Variants in NALCN observed in about 807,000 individuals in gnomAD.
The protein encoded by NALCN is sodium leak channel NALCN.
A neutral mutation model predicts 225.3 loss-of-function variants in NALCN; 111 were observed. The observed-to-expected ratio is 0.49, with a 90% CI of 0.42 to 0.58. The LOEUF (loss-of-function observed/expected upper bound fraction) is 0.58. Among genes scored for constraint, NALCN ranks in the 20% least tolerant of loss-of-function variants. The pLI is 0.00. For missense variants in NALCN, 1,378 were observed against 2,202.4 expected (o/e 0.63, Z 7.49); for synonymous variants, 764 against 769.0 (o/e 0.99, Z 0.11).
chr13:101,209,900 A>C (rs191666283), intron 13 of NALCN, among the ~76,000 whole-genome samples: 303 of 152,348 alleles, frequency 2.0e-3, no homozygotes, highest in African/African-American at 7.0e-3. Flanking sequence ...CAGAGTTCTC[A>C]CAGGAATTTA....
intron 6 of NALCN, among the ~76,000 whole-genome samples, chr13:101,360,123 TTC>T (rs1333207450): frequency 1.2e-4 from 18 of 149,394 alleles, no homozygotes; most frequent in African/African-American, 4.3e-4. Context: ...TTTCTTTCCT[TTC>T]TTTTTTCTTT....
intron 14 of NALCN, among the ~76,000 whole-genome samples, chr13:101,181,541 T>C (rs1361869490): frequency 6.7e-6 from 1 of 150,084 alleles, no homozygotes; most frequent in Non-Finnish European, 1.5e-5. Flanking sequence ...CCCAGGAATT[T>C]GAGACCAGCC....
intron 17 of NALCN, among the ~76,000 whole-genome samples, chr13:101,136,041 T>G (rs2036768987): frequency 6.6e-6 from 1 of 152,188 alleles, no homozygotes; most frequent in African/African-American, 2.4e-5. Context: ...AACCTAAAAA[T>G]GGTTACACAA....
chr13:101,219,706 A>G (rs1355221145), intron 13 of NALCN, among the ~76,000 whole-genome samples: 1 of 152,146 alleles, frequency 6.6e-6, no homozygotes, highest in East Asian at 1.9e-4. Context: ...CCAGGTACAG[A>G]TTGACAAAAT....
intron 7 of NALCN, among the ~76,000 whole-genome samples, chr13:101,307,196 A>G (rs1379802176): frequency 6.6e-6 from 1 of 152,144 alleles, no homozygotes; most frequent in Non-Finnish European, 1.5e-5. Context: ...ATGTTTTGGT[A>G]TGATTAGCTT....
chr13:101,226,613 C>T (rs1014231810), intron 13 of NALCN, among the ~76,000 whole-genome samples: 2 of 151,874 alleles, frequency 1.3e-5, no homozygotes, highest in Non-Finnish European at 2.9e-5. Flanking sequence ...CTCCAGCCTC[C>T]GTTCCAGGAG....
intron 1 of NALCN, among the ~76,000 whole-genome samples, chr13:101,412,646 C>T (rs1019587294): frequency 6.6e-6 from 1 of 152,204 alleles, no homozygotes; most frequent in Non-Finnish European, 1.5e-5. Context: ...TTTTTGTACA[C>T]TGATCTTAGA....
chr13:101,225,050 C>T (rs2041088428), intron 13 of NALCN, among the ~76,000 whole-genome samples: 1 of 152,148 alleles, frequency 6.6e-6, no homozygotes, highest in African/African-American at 2.4e-5. Flanking sequence ...TTGCGCTGCC[C>T]CTGGTGCCCA....
chr13:101,323,467 A>G (rs2044828027), intron 7 of NALCN, among the ~76,000 whole-genome samples: 1 of 152,238 alleles, frequency 6.6e-6, no homozygotes, highest in Non-Finnish European at 1.5e-5. Context: ...ATATGTTCTT[A>G]GATTCTATTT....
intron 2 of NALCN, among the ~76,000 whole-genome samples, chr13:101,398,333 T>G (rs982135026): frequency 1.3e-5 from 2 of 152,102 alleles, no homozygotes; most frequent in African/African-American, 4.8e-5. Context: ...GGACAAGCAC[T>G]GCAAGAGGGA....
At chr13:101,265,783 A>C (rs1027616618) in intron 10 of NALCN, among the ~76,000 whole-genome samples, 2 of 152,208 alleles carry the variant, frequency 1.3e-5, no homozygotes, top group African/African-American at 4.8e-5. Context: ...GAAACATCTT[A>C]GACATTGTGA....
chr13:101,070,846 G>A (rs630762), intron 37 of NALCN, among the ~76,000 whole-genome samples: 112,123 of 152,148 alleles, frequency 0.74, 42,303 homozygotes, highest in African/African-American at 0.89. Flanking sequence ...CCTGAGACTG[G>A]GTAATTTATA....
intron 14 of NALCN, among the ~76,000 whole-genome samples, chr13:101,179,565 G>A (rs1357594761): frequency 6.6e-6 from 1 of 152,042 alleles, no homozygotes; most frequent in East Asian, 1.9e-4. Context: ...TCTTTTTAGG[G>A]TAGTTTAAGG....
At chr13:101,103,478 A>T (rs533218334) in intron 25 of NALCN, 139 bp from the exon 26 acceptor site, 1 of 1,016,424 alleles carries the variant, frequency 9.8e-7, no homozygotes, top group East Asian at 2.6e-5. Flanking sequence ...TTAACTTTAA[A>T]CAACAAACCT....
At chr13:101,129,588 T>C (rs967686628) in intron 17 of NALCN, among the ~76,000 whole-genome samples, 5 of 152,166 alleles carry the variant, frequency 3.3e-5, no homozygotes, top group African/African-American at 1.2e-4. Flanking sequence ...TATTGGAAAA[T>C]TGGAAAAATG....
chr13:101,126,032 T>C (rs1471554024), intron 17 of NALCN, among the ~76,000 whole-genome samples: 3 of 152,226 alleles, frequency 2.0e-5, no homozygotes, highest in Non-Finnish European at 4.4e-5. Context: ...GTTAGGTATG[T>C]TGAGGTACAA....
chr13:101,256,404 C>T (rs546364038), intron 11 of NALCN, among the ~76,000 whole-genome samples: 1 of 152,266 alleles, frequency 6.6e-6, no homozygotes, highest in East Asian at 1.9e-4. Context: ...CTCAGTTCCC[C>T]TAACCTGAAA....
At chr13:101,289,314 T>G (rs2043460223) in intron 9 of NALCN, among the ~76,000 whole-genome samples, 1 of 152,186 alleles carries the variant, frequency 6.6e-6, no homozygotes, top group African/African-American at 2.4e-5. Flanking sequence ...TAAAGACCCT[T>G]GGCATTAATG....
intron 26 of NALCN, among the ~76,000 whole-genome samples, chr13:101,102,760 A>G (rs2034891398): frequency 6.6e-6 from 1 of 152,190 alleles, no homozygotes; most frequent in Admixed American, 6.5e-5. Context: ...TCTGTGCTAT[A>G]TTATTTCAGG....
Sources: gnomAD v4.1 joint callset for allele counts (sites outside exome capture counted in the v4.1 genomes callset) on GRCh38, gnomAD v4.1.1 for gene constraint, MANE v1.5 for transcripts, NCBI Gene and HGNC (gene_info 2026-07-23, HGNC 2026-07-21) for gene names.